The following ZFHX3 variants were observed in gnomAD, a reference collection of about 807,000 sequenced individuals.
ZFHX3 encodes the protein zinc finger homeobox protein 3.
In ZFHX3, 42 loss-of-function variants were observed where a neutral mutation model predicts 279.1. That is an observed-to-expected ratio of 0.15 (90% confidence interval 0.12 to 0.19). The LOEUF is 0.19. Among genes scored for constraint, ZFHX3 ranks in the 10% least tolerant of loss-of-function variants. The pLI, the probability that ZFHX3 is intolerant of heterozygous loss-of-function variation, is 1.00. For missense variants in ZFHX3, 4,981 were observed against 4,754.0 expected (o/e 1.05, Z -1.40); for synonymous variants, 2,293 against 1,957.8 (o/e 1.17, Z -4.52).
intron 4 of ZFHX3, among the ~76,000 whole-genome samples, chr16:72,854,846 G>A (rs941213226): frequency 6.9e-6 from 1 of 143,970 alleles, no homozygotes; most frequent in African/African-American, 2.6e-5. Context: ...CCAGCAGTGC[G>A]CACTCCCAAT....
At chr16:73,431,835 G>A (rs1331388471) in intron 3 of ZFHX3, among the ~76,000 whole-genome samples, 2 of 152,068 alleles carry the variant, frequency 1.3e-5, no homozygotes, top group African/African-American at 4.8e-5. Flanking sequence ...TGGCCTTCAC[G>A]GGACAAGCTG....
intron 4 of ZFHX3, among the ~76,000 whole-genome samples, chr16:72,867,981 T>C (rs528101925): frequency 4.6e-5 from 7 of 152,320 alleles, no homozygotes; most frequent in African/African-American, 1.7e-4. Flanking sequence ...AGCATGGAAC[T>C]AACTGAGCCA....
chr16:73,553,555 T>C (rs140803216), intron 2 of ZFHX3, among the ~76,000 whole-genome samples: 29 of 152,316 alleles, frequency 1.9e-4, no homozygotes, highest in Middle Eastern at 3.4e-3. Flanking sequence ...TGATGAAACA[T>C]TGGTATCTCA....
intron 3 of ZFHX3, among the ~76,000 whole-genome samples, chr16:73,338,927 C>T (rs1042901535): frequency 3.9e-5 from 6 of 152,158 alleles, no homozygotes; most frequent in African/African-American, 1.4e-4. Flanking sequence ...GTGGCACCTA[C>T]CCCCTTGCTC....
chr16:72,958,839 G>A lies in ZFHX3; in HGVS notation c.1307C>T (p.Ser436Phe). Residue 436 changes from serine to phenylalanine, a missense_variant, in exon 2 of 10, where the codon TCT becomes TTT. By Grantham distance (155) the Ser-to-Phe change is radical (BLOSUM62 -2). Coordinates refer to ENST00000268489, the MANE Select transcript of ZFHX3 (RefSeq NM_006885.4). ...CTGCTTCTCTCCTTCTGCCGCCCCA[G>A]AGTCCTTGCCCTCTGAGGATTTGGT... ...SPTKSSEGKD[S>F]GAAEGEKQEV... is the part of the protein sequence containing the mutation. 1.9e-6 allele frequency: 3 copies of A among 1,614,008 alleles called. 1 individual carries two copies. The highest frequency in any genetic ancestry group is 2.5e-6 in the Non-Finnish European group (3 of 1,179,990).
intron 3 of ZFHX3, among the ~76,000 whole-genome samples, chr16:73,415,597 C>T (rs937642232): frequency 2.6e-5 from 4 of 152,172 alleles, no homozygotes; most frequent in African/African-American, 7.2e-5. Context: ...TGTATTTCTC[C>T]GTGTGGAAAG....
At chr16:73,451,164 C>T (rs1597340367) in intron 3 of ZFHX3, among the ~76,000 whole-genome samples, 1 of 152,310 alleles carries the variant, frequency 6.6e-6, no homozygotes, top group Non-Finnish European at 1.5e-5. Flanking sequence ...CCTGCAGCTT[C>T]TGATTTGAAA....
intron 1 of ZFHX3, among the ~76,000 whole-genome samples, chr16:73,734,126 T>C (rs1347463711): frequency 1.3e-5 from 2 of 152,158 alleles, no homozygotes; most frequent in East Asian, 1.9e-4. Flanking sequence ...TAGAATCTAA[T>C]AGCACTGCTG....
intron 2 of ZFHX3, among the ~76,000 whole-genome samples, chr16:73,476,574 C>G (rs549437082): frequency 6.6e-6 from 1 of 152,166 alleles, no homozygotes; most frequent in Non-Finnish European, 1.5e-5. Flanking sequence ...ATTTAAACCA[C>G]TACAATTTTT....
chr16:72,931,981 C>T (rs1597388952), intron 3 of ZFHX3, among the ~76,000 whole-genome samples: 1 of 152,160 alleles, frequency 6.6e-6, no homozygotes, highest in Non-Finnish European at 1.5e-5. Flanking sequence ...CTCGTTTTTC[C>T]ATCTTTGTCC....
At chr16:73,651,862 A>G (rs1486282241) in intron 2 of ZFHX3, among the ~76,000 whole-genome samples, 1 of 151,810 alleles carries the variant, frequency 6.6e-6, no homozygotes, top group African/African-American at 2.4e-5. Flanking sequence ...CTCAAAAAAA[A>G]AAAAAAAAGA....
At chr16:73,367,524 T>C (rs540612482) in intron 3 of ZFHX3, among the ~76,000 whole-genome samples, 1 of 152,316 alleles carries the variant, frequency 6.6e-6, no homozygotes, top group South Asian at 2.1e-4. Flanking sequence ...ATCCAGCTTA[T>C]AGTCCTTCAG....
chr16:72,964,119 G>A (rs1458545574), intron 1 of ZFHX3, among the ~76,000 whole-genome samples: 3 of 152,158 alleles, frequency 2.0e-5, no homozygotes, highest in Non-Finnish European at 4.4e-5. Context: ...AGTGAATACC[G>A]CCTTCCTACA....
chr16:73,602,696 C>T (rs1179037042), intron 2 of ZFHX3, among the ~76,000 whole-genome samples: 1 of 152,034 alleles, frequency 6.6e-6, no homozygotes, highest in Non-Finnish European at 1.5e-5. Context: ...CCTGTAATCT[C>T]AGCACTTTGG....
chr16:73,801,884 G>C (rs1423874223), intron 1 of ZFHX3, among the ~76,000 whole-genome samples: 2 of 152,166 alleles, frequency 1.3e-5, no homozygotes, highest in Non-Finnish European at 2.9e-5. Flanking sequence ...CAGTTGTCTT[G>C]CCTGAGTTCC....
In ZFHX3 at chr16:72,858,681, C is replaced by T. The variant is rs1187081216; in HGVS notation, c.3449-28822G>A. Among the ~76,000 whole-genome samples the T allele has an allele frequency of 2.6e-5, 4 of 152,344 alleles. No individual in the cohort carries two copies. In the Middle Eastern group the frequency reaches 0.01, roughly 389 times the overall value. On this transcript the variant is annotated intron_variant, in intron 4 of 9. Coordinates refer to ENST00000268489, the MANE Select transcript of ZFHX3 (RefSeq NM_006885.4). ...TGCCTGCATGATTACCCCTTGGAGG[C>T]GAGCAGCCGTGAGTGCTGCACTAAA...
At position 73,070,949 on chromosome 16, in the gene ZFHX3, C is replaced by G. The variant is rs1298417406; in HGVS notation, c.-532-11937G>C. On this transcript the variant is annotated intron_variant, in intron 8 of 17. Transcript: ENST00000641206. The stretch of plus-strand genomic sequence containing the variant: ...GCGCGCGCGCGCGCGCACACACACA[C>G]ACACACACACACACACACACACATC... Among the ~76,000 whole-genome samples the G allele has an allele frequency of 7.2e-4, 101 of 140,074 alleles. 1 individual carries two copies. Among genetic ancestry groups the G allele is most frequent in the African/African-American group, 2.2e-3 (86 of 39,388 alleles). 91.9% of individuals were successfully genotyped at this position (140,074 alleles called of 152,430 possible). A position where few individuals can be genotyped will look rare whatever the true frequency, so the allele number is the denominator to read the frequency against.
chr16:73,232,227 G>A (rs1458924582), intron 5 of ZFHX3: 1 of 152,222 alleles, frequency 6.6e-6, no homozygotes, highest in Non-Finnish European at 1.5e-5. Context: ...GCACTGCAGT[G>A]TCGTCCTCCA....
intron 2 of ZFHX3, among the ~76,000 whole-genome samples, chr16:73,491,063 AC>A (rs1193489003): frequency 6.6e-6 from 1 of 152,188 alleles, no homozygotes; most frequent in Non-Finnish European, 1.5e-5. Context: ...ATTCTTGGTC[AC>A]CCTGCTTTTT....
Sources: gnomAD v4.1 joint callset for allele counts (sites outside exome capture counted in the v4.1 genomes callset) on GRCh38, gnomAD v4.1.1 for gene constraint, MANE v1.5 for transcripts, NCBI Gene and HGNC (gene_info 2026-07-23, HGNC 2026-07-21) for gene names.